PDE4D: variants seen among roughly 807,000 people sequenced by gnomAD.
The protein encoded by PDE4D is 3',5'-cyclic-AMP phosphodiesterase 4D.
PDE4D carries 24 observed loss-of-function variants against 87.4 expected under a neutral mutation model. The ratio of observed to expected loss-of-function variants is 0.27; its 90% CI spans 0.20 to 0.39. The LOEUF (loss-of-function observed/expected upper bound fraction) is 0.39, where lower values mean the gene tolerates loss of function less well. PDE4D is among the 10% of genes least tolerant of loss of function. The probability of loss-of-function intolerance (pLI) is 1.00; values close to 1 mark genes in which losing one functional copy is unlikely to be tolerated. For synonymous variants in PDE4D, 384 were observed against 383.2 expected (o/e 1.00, Z -0.02); for missense variants, 714 against 1,041.0 (o/e 0.69, Z 4.32).
chr5:59,498,238 T>G (rs1807584332), intron 1 of PDE4D, among the ~76,000 whole-genome samples: 1 of 151,446 alleles, frequency 6.6e-6, no homozygotes, highest in African/African-American at 2.4e-5. Context: ...TGCAAGCAGA[T>G]AGCCCACAGG....
intron 1 of PDE4D, among the ~76,000 whole-genome samples, chr5:59,681,276 A>G (rs1748956054): frequency 6.6e-6 from 1 of 152,200 alleles, no homozygotes; most frequent in African/African-American, 2.4e-5. Flanking sequence ...GAGGATTAAG[A>G]TAAATAATGA....
chr5:59,301,172 G>A (rs1770173575), intron 1 of PDE4D, among the ~76,000 whole-genome samples: 1 of 151,948 alleles, frequency 6.6e-6, no homozygotes, highest in Non-Finnish European at 1.5e-5. Flanking sequence ...TACTCTCTCT[G>A]GGGAAGGTCT....
rs576211659 is a variant in PDE4D, at chr5:59,656,488, C to T, written c.455+236680G>A. 4.6e-5 allele frequency among the ~76,000 whole-genome samples: 7 copies of T among 152,320 alleles called. No homozygotes were observed. The East Asian group carries it at 9.6e-4, about 21-fold the overall frequency. On this transcript the variant is annotated intron_variant, in intron 1 of 14. Coordinates refer to ENST00000340635, the MANE Select transcript of PDE4D (RefSeq NM_001104631.2). ...TATTAGAAACCATCTGTTAAGTCCA[C>T]GTGTCATGTGGCTGACCAGAAAGCA...
chr5:59,014,946 T>G (rs9716722), intron 6 of PDE4D, among the ~76,000 whole-genome samples: 1 of 152,100 alleles, frequency 6.6e-6, no homozygotes, highest in African/African-American at 2.4e-5. Flanking sequence ...TGGAACAGAA[T>G]AGAGCCCTCA....
chr5:59,452,338 A>C (rs565553409), intron 1 of PDE4D, among the ~76,000 whole-genome samples: 1 of 152,232 alleles, frequency 6.6e-6, no homozygotes, highest in Non-Finnish European at 1.5e-5. Flanking sequence ...AGCTAAAAGA[A>C]ACACTCTATG....
At chr5:59,303,047 C>T (rs1355715912) in intron 1 of PDE4D, among the ~76,000 whole-genome samples, 1 of 152,014 alleles carries the variant, frequency 6.6e-6, no homozygotes, top group East Asian at 1.9e-4. Context: ...CCAACATCTA[C>T]TGTTTTTTAA....
chr5:59,681,440 A>G (rs1438850459), intron 1 of PDE4D, among the ~76,000 whole-genome samples: 1 of 152,188 alleles, frequency 6.6e-6, no homozygotes, highest in African/African-American at 2.4e-5. Flanking sequence ...CCCCTTAGCA[A>G]ACCACTATGG....
intron 1 of PDE4D, among the ~76,000 whole-genome samples, chr5:59,256,560 T>C (rs1377285493): frequency 6.6e-6 from 1 of 152,030 alleles, no homozygotes; most frequent in Non-Finnish European, 1.5e-5. Flanking sequence ...TCAAAAAAAA[T>C]TGGAAAGCAT....
intron 1 of PDE4D, among the ~76,000 whole-genome samples, chr5:59,836,037 A>T (rs1044951985): frequency 1.3e-5 from 2 of 152,048 alleles, no homozygotes; most frequent in Non-Finnish European, 2.9e-5. Flanking sequence ...CTAAAATAAA[A>T]TAAATAGGAG....
At chr5:60,021,947 A>C (rs964024933) in intron 2 of PDE4D, 1 of 152,210 alleles carries the variant, frequency 6.6e-6, no homozygotes, top group Non-Finnish European at 1.5e-5. Flanking sequence ...TCCTAGGCCC[A>C]AGTGATTCTT....
chr5:60,372,140 GTC>G (rs879500304), intron 1 of PDE4D, among the ~76,000 whole-genome samples: 7,423 of 150,098 alleles, frequency 0.049, 247 homozygotes, highest in Non-Finnish European at 0.071. Flanking sequence ...AGCATTGTCA[GTC>G]TTTTTTATTT....
chr5:59,753,097 T>A (rs948998463), intron 1 of PDE4D, among the ~76,000 whole-genome samples: 2 of 152,178 alleles, frequency 1.3e-5, no homozygotes, highest in Non-Finnish European at 2.9e-5. Flanking sequence ...AATATTTATT[T>A]TCTGGTCCTT....
intron 1 of PDE4D, among the ~76,000 whole-genome samples, chr5:59,578,252 C>CA (rs1823505499): frequency 6.6e-6 from 1 of 151,990 alleles, no homozygotes; most frequent in Non-Finnish European, 1.5e-5. Flanking sequence ...CTCACATTTT[C>CA]AAAAAATCAG....
intron 1 of PDE4D, among the ~76,000 whole-genome samples, chr5:60,383,513 G>T (rs1218943864): frequency 6.6e-6 from 1 of 152,134 alleles, no homozygotes; most frequent in Non-Finnish European, 1.5e-5. Flanking sequence ...AGCAAAAGGT[G>T]TGCTTCCCAG....
chr5:59,581,416 G>C (rs947759476), intron 1 of PDE4D, among the ~76,000 whole-genome samples: 4 of 152,152 alleles, frequency 2.6e-5, no homozygotes, highest in Admixed American at 6.5e-5. Flanking sequence ...AAGCAAAAAG[G>C]AGTGGAAAGT....
At chr5:59,342,186 T>C (rs1778841518) in intron 1 of PDE4D, among the ~76,000 whole-genome samples, 1 of 152,228 alleles carries the variant, frequency 6.6e-6, no homozygotes, top group Non-Finnish European at 1.5e-5. Flanking sequence ...TCTCAAATTA[T>C]GATTTTACAT....
intron 2 of PDE4D, among the ~76,000 whole-genome samples, chr5:60,015,101 G>T (rs1179755770): frequency 1.3e-5 from 2 of 152,132 alleles, no homozygotes; most frequent in East Asian, 3.8e-4. Context: ...AATGTATGTT[G>T]CAGGGAAGGG....
intron 1 of PDE4D, among the ~76,000 whole-genome samples, chr5:59,421,473 G>A (rs1238662234): frequency 6.6e-6 from 1 of 152,100 alleles, no homozygotes; most frequent in East Asian, 1.9e-4. Flanking sequence ...GAGTGGAAGG[G>A]ACTCATATAA....
At chr5:59,581,384 G>C (rs945144307) in intron 1 of PDE4D, among the ~76,000 whole-genome samples, 3 of 152,128 alleles carry the variant, frequency 2.0e-5, no homozygotes, top group African/African-American at 7.2e-5. Context: ...AAGTAACTCA[G>C]TAATAGTCAA....
Sources: gnomAD v4.1 joint callset for allele counts (sites outside exome capture counted in the v4.1 genomes callset) on GRCh38, gnomAD v4.1.1 for gene constraint, MANE v1.5 for transcripts, NCBI Gene and HGNC (gene_info 2026-07-23, HGNC 2026-07-21) for gene names.